The following TTLL5 variants were observed in gnomAD, a reference collection of about 807,000 sequenced individuals.
The protein encoded by TTLL5 is tubulin polyglutamylase TTLL5.
In TTLL5, 132 loss-of-function variants were observed where a neutral mutation model predicts 168.4. The ratio of observed to expected loss-of-function variants is 0.78; its 90% CI spans 0.68 to 0.91. TTLL5 has a LOEUF of 0.91. TTLL5 is among the 40% of genes least tolerant of loss of function. The pLI, the probability that TTLL5 is intolerant of heterozygous loss-of-function variation, is 0.00. For missense variants in TTLL5, 1,545 were observed against 1,581.5 expected, an observed-to-expected ratio of 0.98 and a Z score of 0.39; for synonymous variants, 546 against 558.6, an observed-to-expected ratio of 0.98 and a Z score of 0.32.
At chr14:75,930,028 A>G (rs2034223209) in intron 31 of TTLL5, among the ~76,000 whole-genome samples, 1 of 152,236 alleles carries the variant, frequency 6.6e-6, no homozygotes, top group Non-Finnish European at 1.5e-5. Flanking sequence ...AAAGCAATTA[A>G]GCAGACCAGT....
intron 23 of TTLL5, among the ~76,000 whole-genome samples, chr14:75,777,124 G>GT (rs1891762006): frequency 6.6e-6 from 1 of 152,192 alleles, no homozygotes; most frequent in Admixed American, 6.5e-5. Flanking sequence ...AGAAAAGATT[G>GT]TATGGGTTTG....
chr14:75,747,401 C>T (rs745452995), intron 17 of TTLL5, among the ~76,000 whole-genome samples: 5 of 152,002 alleles, frequency 3.3e-5, no homozygotes, highest in Non-Finnish European at 7.4e-5. Flanking sequence ...TTTCTATTGA[C>T]TGGTTTTCCT....
chr14:75,773,869 G>A (rs1447067909), intron 21 of TTLL5, among the ~76,000 whole-genome samples: 1 of 137,388 alleles, frequency 7.3e-6, no homozygotes, highest in Non-Finnish European at 1.5e-5. Flanking sequence ...CAGGCTGGGT[G>A]ACAGAGCAAG....
chr14:75,867,530 G>A (rs1357076741), intron 29 of TTLL5, among the ~76,000 whole-genome samples: 1 of 152,148 alleles, frequency 6.6e-6, no homozygotes, highest in Non-Finnish European at 1.5e-5. Context: ...GGGAGGCCAA[G>A]GCAGGTGGAT....
chr14:75,921,452 GT>G (rs2033821711), intron 31 of TTLL5, among the ~76,000 whole-genome samples: 1 of 152,220 alleles, frequency 6.6e-6, no homozygotes, highest in African/African-American at 2.4e-5. Context: ...TGGCTAGCCA[GT>G]TTTCCCAGCA....
At chr14:75,911,588 T>C (rs1289591198) in intron 31 of TTLL5, among the ~76,000 whole-genome samples, 3 of 152,174 alleles carry the variant, frequency 2.0e-5, no homozygotes, top group African/African-American at 4.8e-5. Flanking sequence ...GAGTGAGGTA[T>C]TTTCCTTCCC....
chr14:75,924,629 G>A (rs1356822514), intron 31 of TTLL5, among the ~76,000 whole-genome samples: 1 of 151,892 alleles, frequency 6.6e-6, no homozygotes, highest in Non-Finnish European at 1.5e-5. Flanking sequence ...GGATCCCAAG[G>A]CAGAAGAATT....
chr14:75,718,004 C>A, intron 10 of TTLL5, 42 bp downstream of exon 10: 1 of 1,573,672 alleles, frequency 6.4e-7, no homozygotes, highest in South Asian at 1.1e-5. Flanking sequence ...GTGTCAGTCT[C>A]AGATGTGGGT....
intron 29 of TTLL5, among the ~76,000 whole-genome samples, chr14:75,871,000 T>C (rs1175453318): frequency 6.6e-6 from 1 of 152,164 alleles, no homozygotes; most frequent in Admixed American, 6.5e-5. Flanking sequence ...TTCACTGTGT[T>C]AGCCAGGATG....
chr14:75,667,035 T>C lies in TTLL5; in HGVS notation c.75-2381T>C, dbSNP rs1462607329. Among the ~76,000 whole-genome samples the C allele has an allele frequency of 3.9e-5, 6 of 152,218 alleles. No individual in the cohort carries two copies. In the South Asian group the frequency reaches 1.2e-3, roughly 32 times the overall value. On this transcript the variant is annotated intron_variant, in intron 2 of 31. Coordinates refer to ENST00000298832, the MANE Select transcript of TTLL5 (RefSeq NM_015072.5). The stretch of plus-strand genomic sequence containing the variant: ...TTTAGCATCACTTGGTGGGAATATG[T>C]TTTTCATGACAACTTCGCATATTCC...
intron 30 of TTLL5, chr14:75,886,810 G>A (rs1343689856): frequency 6.3e-7 from 1 of 1,577,656 alleles, no homozygotes; most frequent in Admixed American, 1.8e-5. Context: ...ACTGTCTCTT[G>A]TAAATGAGCT....
chr14:75,943,101 C>G lies in TTLL5; in HGVS notation c.3824-11323C>G, dbSNP rs141809167. ...AAGTCCCACAAAAAAAAGGCGGTGT[C>G]GGGGAAGAGCTGGGCTGTAGTCGTG... is the stretch of plus-strand genomic sequence containing the variant. On this transcript the variant is annotated intron_variant, in intron 31 of 31. Coordinates refer to ENST00000298832, the MANE Select transcript of TTLL5 (RefSeq NM_015072.5). 7.1e-3 allele frequency among the ~76,000 whole-genome samples: 1,082 copies of G among 152,124 alleles called. 17 individuals carry two copies. Among genetic ancestry groups the G allele is most frequent in the South Asian group, 0.027 (129 of 4,818 alleles).
At chr14:75,778,691 T>G (rs1469418734) in intron 23 of TTLL5, among the ~76,000 whole-genome samples, 1 of 152,066 alleles carries the variant, frequency 6.6e-6, no homozygotes, top group African/African-American at 2.4e-5. Flanking sequence ...TAGCCAAGCT[T>G]CAAGAAAAAG....
chr14:75,930,794 T>C (rs2034252281), intron 31 of TTLL5, among the ~76,000 whole-genome samples: 1 of 152,234 alleles, frequency 6.6e-6, no homozygotes, highest in Non-Finnish European at 1.5e-5. Flanking sequence ...CCTAACATCA[T>C]TTAAAAGTCT....
intron 9 of TTLL5, chr14:75,712,057 C>T (rs569960445): frequency 1.3e-5 from 2 of 152,268 alleles, no homozygotes; most frequent in African/African-American, 4.8e-5. Context: ...ATTTCTGGCT[C>T]TAAAGACAAG....
At position 75,820,105 on chromosome 14, in the gene TTLL5, G is replaced by A. The variant is rs1341566279; in HGVS notation, c.3270G>A (p.Trp1090Ter). ...TCATCAGTCCTAGTGGCCCGACATG[G>A]TCTACACAGTCAGACCCCCAAGCTC... ...RPIISPSGPT[W>*]STQSDPQAPE... Residue 1090 changes from tryptophan to a stop codon, truncating the protein, a stop_gained, in exon 28 of 32, where the codon TGG (tryptophan) becomes TGA (stop). Transcript: ENST00000298832. LOFTEE classifies it high-confidence loss of function. 1 of 1,604,692 alleles carries A rather than the reference G, an allele frequency of 6.2e-7. No individual in the cohort carries two copies. The highest frequency in any genetic ancestry group is 2.3e-5 in the East Asian group (1 of 43,712).
chr14:75,674,947 A>G (rs1312786817), intron 3 of TTLL5, among the ~76,000 whole-genome samples: 1 of 152,078 alleles, frequency 6.6e-6, no homozygotes, highest in Non-Finnish European at 1.5e-5. Context: ...TATATCTAGT[A>G]TATATTTTAA....
chr14:75,861,896 A>T (rs1022465119), intron 28 of TTLL5, among the ~76,000 whole-genome samples: 2 of 152,198 alleles, frequency 1.3e-5, no homozygotes, highest in East Asian at 3.9e-4. Flanking sequence ...AAAGTGTACA[A>T]TTCAGTGGTA....
At chr14:75,855,150 G>GAAAAAAAAAAAAAAAAA (rs55874311) in intron 28 of TTLL5, among the ~76,000 whole-genome samples, 1 of 130,498 alleles carries the variant, frequency 7.7e-6, no homozygotes, top group Non-Finnish European at 1.6e-5. Flanking sequence ...TATGCTAGAA[G>GAAAAAAAAAAAAAAAAA]AAAAAAAAAA....
Sources: allele counts gnomAD v4.1 joint callset (sites outside exome capture counted in the v4.1 genomes callset), GRCh38; gene constraint gnomAD v4.1.1; transcripts MANE v1.5; gene names NCBI Gene and HGNC (gene_info 2026-07-23, HGNC 2026-07-21).